Variants in SPPL3 observed in about 807,000 individuals in gnomAD.
SPPL3 encodes the protein signal peptide peptidase like 3.
Under a neutral mutation model 42.4 loss-of-function variants are expected in SPPL3, and 5 were observed. The observed-to-expected ratio is 0.12, with a 90% CI of 0.06 to 0.25. SPPL3 has a LOEUF of 0.25. Among genes scored for constraint, SPPL3 ranks in the 10% least tolerant of loss-of-function variants. The pLI is 1.00. For synonymous variants in SPPL3, 195 were observed against 181.8 expected (o/e 1.07, Z -0.58); for missense variants, 235 against 489.0 (o/e 0.48, Z 4.90).
intron 1 of SPPL3, among the ~76,000 whole-genome samples, chr12:120,888,225 A>G (rs1210525506): frequency 6.6e-6 from 1 of 152,006 alleles, no homozygotes; most frequent in Non-Finnish European, 1.5e-5. Context: ...ACAGGCGTCC[A>G]CCACCACGCC....
rs188289247 is a variant in SPPL3, at chr12:120,828,305, T to C, written c.24-17419A>G. Reference sequence around the variant, plus strand: ...GATGAAAACAAAACATATCAAAATATGTGGAAGGCAGCTAAAGCAATGTTT... The same window carrying C: ...GATGAAAACAAAACATATCAAAATACGTGGAAGGCAGCTAAAGCAATGTTT... On this transcript the variant is annotated intron_variant, in intron 1 of 10. Coordinates refer to ENST00000353487, the MANE Select transcript of SPPL3 (RefSeq NM_139015.5). 4.3e-3 allele frequency among the ~76,000 whole-genome samples: 655 copies of C among 151,838 alleles called. 5 individuals are homozygous for C. The highest frequency in any genetic ancestry group is 0.015 in the African/African-American group (622 of 41,394).
At chr12:120,880,135 A>C (rs1034808745) in intron 1 of SPPL3, among the ~76,000 whole-genome samples, 8 of 152,018 alleles carry the variant, frequency 5.3e-5, no homozygotes, top group Admixed American at 1.3e-4. Flanking sequence ...ATGAAAAAAA[A>C]ACACTGGGGC....
At chr12:120,834,189 A>G (rs2137020428) in intron 1 of SPPL3, among the ~76,000 whole-genome samples, 1 of 152,224 alleles carries the variant, frequency 6.6e-6, no homozygotes, top group East Asian at 1.9e-4. Flanking sequence ...TTAAGTCTTC[A>G]GTTTATAACA....
intron 1 of SPPL3, among the ~76,000 whole-genome samples, chr12:120,822,270 A>G (rs1357615262): frequency 6.6e-6 from 1 of 152,238 alleles, no homozygotes; most frequent in Non-Finnish European, 1.5e-5. Flanking sequence ...TATGTTATGT[A>G]TATTTTACAA....
chr12:120,794,582 G>A (rs1357050494), intron 2 of SPPL3, among the ~76,000 whole-genome samples: 1 of 152,046 alleles, frequency 6.6e-6, no homozygotes, highest in Non-Finnish European at 1.5e-5. Context: ...ATTTTTAGTA[G>A]AGACGGGGTT....
chr12:120,767,854 G>A lies in SPPL3; in HGVS notation c.774-261C>T, dbSNP rs190154953. On this transcript the variant is annotated intron_variant, in intron 8 of 10. Coordinates refer to ENST00000353487, the MANE Select transcript of SPPL3 (RefSeq NM_139015.5). Reference sequence around the variant, plus strand: ...TGCTGAAGTGATTTGCATAAGTGCTGCTTCCTCTAGAAATGTCAAACAATT... The same window carrying A: ...TGCTGAAGTGATTTGCATAAGTGCTACTTCCTCTAGAAATGTCAAACAATT... 1.6e-4 allele frequency among the ~76,000 whole-genome samples: 25 copies of A among 152,312 alleles called. No homozygotes were observed. In the East Asian group the frequency reaches 4.4e-3, roughly 27 times the overall value.
At chr12:120,852,764 G>GA in intron 1 of SPPL3, among the ~76,000 whole-genome samples, 1 of 68,186 alleles carries the variant, frequency 1.5e-5, no homozygotes, top group East Asian at 4.4e-4. Flanking sequence ...TTATATCTAT[G>GA]TATATTATAT....
At chr12:120,791,680 G>GA in intron 2 of SPPL3, 123 bp from the exon 3 acceptor site, 1 of 654,078 alleles carries the variant, frequency 1.5e-6, no homozygotes, top group South Asian at 1.7e-5. Flanking sequence ...GAACAACTCT[G>GA]AAAAATAGCT....
chr12:120,829,451 C>T (rs1362257858), intron 1 of SPPL3, among the ~76,000 whole-genome samples: 1 of 151,914 alleles, frequency 6.6e-6, no homozygotes, highest in African/African-American at 2.4e-5. Context: ...CAAAAATTAG[C>T]CCGGCATGAT....
At position 120,783,679 on chromosome 12, in the gene SPPL3, C is replaced by G; in HGVS notation, c.384G>C (p.Gln128His). Residue 128 changes from glutamine (Q) to histidine (H), a missense_variant, in exon 5 of 11, where the codon CAG (glutamine) becomes CAC (histidine). By Grantham distance (24) the Gln-to-His change is conservative. Transcript: ENST00000353487. The part of the protein sequence containing the change: ...CQYLTRPCSP[Q>H]NKISFGCCGR... Reference sequence around the variant, plus strand: ...GGAAAGTCCCAAGTCCTTACTTGTTCTGAGGTGAGCAGGGTCTTGTTAAAT... The same window carrying G: ...GGAAAGTCCCAAGTCCTTACTTGTTGTGAGGTGAGCAGGGTCTTGTTAAAT... 1 of 1,612,072 alleles carries G rather than the reference C, an allele frequency of 6.2e-7. No individual in the cohort carries two copies. The highest frequency in any genetic ancestry group is 2.2e-5 in the East Asian group (1 of 44,852).
At chr12:120,865,142 T>A (rs560781953) in intron 1 of SPPL3, among the ~76,000 whole-genome samples, 381 of 152,330 alleles carry the variant, frequency 2.5e-3, no homozygotes, top group Non-Finnish European at 4.1e-3. Flanking sequence ...TAGAGAAACA[T>A]CAACAGTTAC....
intron 1 of SPPL3, among the ~76,000 whole-genome samples, chr12:120,842,487 C>T (rs1871865964): frequency 6.6e-6 from 1 of 152,074 alleles, no homozygotes; most frequent in Non-Finnish European, 1.5e-5. Context: ...AAAAATTAGT[C>T]CATTTGGGCT....
At chr12:120,802,445 T>TTC (rs1181131247) in intron 2 of SPPL3, among the ~76,000 whole-genome samples, 3 of 139,328 alleles carry the variant, frequency 2.2e-5, no homozygotes, top group Non-Finnish European at 4.6e-5. Flanking sequence ...TTTTTTTTTT[T>TTC]CCTTTTTGAG....
At chr12:120,851,120 G>A (rs590625) in intron 1 of SPPL3, among the ~76,000 whole-genome samples, 73,574 of 151,956 alleles carry the variant, frequency 0.48, 18,007 homozygotes, top group East Asian at 0.56. Context: ...ACAGTATCTC[G>A]TTTAGATACT....
At chr12:120,897,591 C>T (rs1160306485) in intron 1 of SPPL3, among the ~76,000 whole-genome samples, 4 of 151,908 alleles carry the variant, frequency 2.6e-5, no homozygotes, top group African/African-American at 7.3e-5. Context: ...GGCGTGGTGG[C>T]GGGTGCCTGT....
At chr12:120,887,141 G>A (rs1268333932) in intron 1 of SPPL3, among the ~76,000 whole-genome samples, 1 of 151,816 alleles carries the variant, frequency 6.6e-6, no homozygotes, top group Non-Finnish European at 1.5e-5. Context: ...GTAGAGATGG[G>A]GTTTCACCAT....
chr12:120,765,128 C>CTGAT lies in SPPL3; in HGVS notation c.1084-62_1084-59dup, dbSNP rs1445018907. 1.2e-5 allele frequency: 19 copies of CTGAT among 1,541,618 alleles called. No individual in the cohort carries two copies. In the African/African-American group the frequency reaches 2.5e-4, roughly 20 times the overall value. On this transcript the variant is annotated intron_variant, in intron 10 of 10. Coordinates refer to ENST00000353487, the MANE Select transcript of SPPL3 (RefSeq NM_139015.5). ...TTAAACATGAGGCACACACAGCTGTCTGATTCTTTAAAAAAAAAAAATTTT... is the reference window on the plus strand; with the variant it reads ...TTAAACATGAGGCACACACAGCTGTCTGATTGATTCTTTAAAAAAAAAAAATTTT...
intron 1 of SPPL3, among the ~76,000 whole-genome samples, chr12:120,892,827 A>C (rs1369879235): frequency 6.6e-6 from 1 of 151,594 alleles, no homozygotes; most frequent in Non-Finnish European, 1.5e-5. Context: ...CTAAAAATAC[A>C]AAAAATTAGC....
rs188713963 is a variant in SPPL3 at position 120,825,569 on chromosome 12, G to A, written c.24-14683C>T. Among the ~76,000 whole-genome samples the A allele has an allele frequency of 6.6e-5, 10 of 152,270 alleles. No individual in the cohort carries two copies. The East Asian group carries it at 1.2e-3, about 18-fold the overall frequency. ...CAGGAGCAAATATCGCTTGTCTTAC[G>A]GAAGAATGGAATTCCAGAGAGACTC... On this transcript the variant is annotated intron_variant, in intron 1 of 10. Coordinates refer to ENST00000353487, the MANE Select transcript of SPPL3 (RefSeq NM_139015.5).
Sources: allele counts gnomAD v4.1 joint callset (sites outside exome capture counted in the v4.1 genomes callset), GRCh38; gene constraint gnomAD v4.1.1; transcripts MANE v1.5; gene names NCBI Gene and HGNC (gene_info 2026-07-23, HGNC 2026-07-21).